The following ANKRD30B variants were observed in gnomAD, a reference collection of about 807,000 sequenced individuals.
ANKRD30B encodes ankyrin repeat domain-containing protein 30B.
Under a neutral mutation model 202.2 loss-of-function variants are expected in ANKRD30B, and 144 were observed. That is an observed-to-expected ratio of 0.71 (90% confidence interval 0.62 to 0.82). The LOEUF is 0.82. ANKRD30B is among the 40% of genes least tolerant of loss of function. The pLI is 0.00. For missense variants in ANKRD30B, 1,487 were observed against 1,669.1 expected, an observed-to-expected ratio of 0.89 and a Z score of 1.90; for synonymous variants, 508 against 561.3, an observed-to-expected ratio of 0.91 and a Z score of 1.34.
intron 32 of ANKRD30B, among the ~76,000 whole-genome samples, chr18:14,824,236 G>A (rs201589420): frequency 2.0e-5 from 3 of 152,108 alleles, no homozygotes; most frequent in Non-Finnish European, 4.4e-5. Flanking sequence ...CATAGCCACT[G>A]AAAGTCAACA....
chr18:14,810,926 C>T (rs1432825875), intron 28 of ANKRD30B, among the ~76,000 whole-genome samples: 1 of 151,154 alleles, frequency 6.6e-6, no homozygotes, highest in Admixed American at 6.6e-5. Flanking sequence ...CGAGCCTGGT[C>T]AACACAGTGA....
At chr18:14,934,699 A>G in the ANKRD30B span, among the ~76,000 whole-genome samples, 4 of 152,062 alleles carry the variant, frequency 2.6e-5, no homozygotes, top group African/African-American at 9.7e-5. Context: ...CTGAAGCCTG[A>G]ACGTTGGGAA....
the ANKRD30B span, among the ~76,000 whole-genome samples, chr18:14,896,649 C>T: frequency 6.8e-6 from 1 of 146,360 alleles, no homozygotes; most frequent in Non-Finnish European, 1.5e-5. Context: ...TTAAGATCTT[C>T]TTCCCCAATG....
In ANKRD30B at chr18:14,797,642, A is replaced by C. The variant is rs71364865; in HGVS notation, c.1928-19A>C. The C allele has an allele frequency of 6.9e-6, 11 of 1,601,998 alleles. No homozygotes were observed. The highest frequency in any genetic ancestry group is 8.6e-6 in the Non-Finnish European group (10 of 1,169,506). On this transcript the variant is annotated intron_variant, in intron 18 of 43. Coordinates refer to ENST00000690538, the MANE Select transcript of ANKRD30B (RefSeq NM_001367607.2). ...TCAGGCTTGCATATAATCAATTATA[A>C]ATGTCCCTTTTCTTTTAGAGTCTCC...
the ANKRD30B span, among the ~76,000 whole-genome samples, chr18:14,880,352 C>T: frequency 1.3e-5 from 2 of 152,098 alleles, no homozygotes; most frequent in Admixed American, 6.6e-5. Flanking sequence ...TAGCCTTGGT[C>T]TGGCTACATG....
intron 16 of ANKRD30B, among the ~76,000 whole-genome samples, chr18:14,793,709 A>T (rs551307332): frequency 3.7e-4 from 57 of 152,098 alleles, no homozygotes; most frequent in African/African-American, 1.3e-3. Flanking sequence ...CCTGGCTAAC[A>T]CGGTGAAACC....
At chr18:14,826,060 A>G in intron 32 of ANKRD30B, among the ~76,000 whole-genome samples, 1 of 152,238 alleles carries the variant, frequency 6.6e-6, no homozygotes, top group East Asian at 1.9e-4. Flanking sequence ...TAATTGGTTT[A>G]TACGTATTTC....
At chr18:14,820,107 T>G (rs1970333446) in intron 30 of ANKRD30B, among the ~76,000 whole-genome samples, 1 of 152,210 alleles carries the variant, frequency 6.6e-6, no homozygotes, top group Non-Finnish European at 1.5e-5. Flanking sequence ...CCTATTTATT[T>G]TATTCTCTTT....
At chr18:14,904,396 G>T in the ANKRD30B span, among the ~76,000 whole-genome samples, 1 of 152,294 alleles carries the variant, frequency 6.6e-6, no homozygotes, top group African/African-American at 2.4e-5. Flanking sequence ...CTTGGGGCCT[G>T]AGCTAACCTC....
chr18:14,776,357 T>C (rs1967351336), intron 9 of ANKRD30B, among the ~76,000 whole-genome samples: 1 of 152,194 alleles, frequency 6.6e-6, no homozygotes, highest in African/African-American at 2.4e-5. Flanking sequence ...CAGAGAATGT[T>C]CAGTTAGAGA....
the ANKRD30B span, among the ~76,000 whole-genome samples, chr18:14,898,998 A>C: frequency 2.6e-5 from 4 of 152,196 alleles, no homozygotes; most frequent in Non-Finnish European, 4.4e-5. Flanking sequence ...CTAAGACAGA[A>C]TATTGTTCAT....
At chr18:14,931,491 G>T in the ANKRD30B span, among the ~76,000 whole-genome samples, 16 of 152,232 alleles carry the variant, frequency 1.1e-4, no homozygotes, top group African/African-American at 3.9e-4. Flanking sequence ...CTAGGCTTTT[G>T]ACCTCACATG....
chr18:14,797,764 G>T lies in ANKRD30B; in HGVS notation c.1957-18G>T. 1.3e-6 allele frequency: 2 copies of T among 1,580,888 alleles called. No homozygotes were observed. The highest frequency in any genetic ancestry group is 1.7e-6 in the Non-Finnish European group (2 of 1,162,352). ...GTGTACATTATATATTAATTTTTGT[G>T]TTTCCGAACCCATTTAGCCTACCTG... On this transcript the variant is annotated intron_variant, in intron 19 of 43. Coordinates refer to ENST00000690538, the MANE Select transcript of ANKRD30B (RefSeq NM_001367607.2).
chr18:14,932,702 C>T, the ANKRD30B span, among the ~76,000 whole-genome samples: 1 of 152,156 alleles, frequency 6.6e-6, no homozygotes, highest in Admixed American at 6.5e-5. Context: ...TCCATTCTCC[C>T]TGTAGCCCCT....
chr18:14,931,782 T>C, the ANKRD30B span, among the ~76,000 whole-genome samples: 2 of 150,886 alleles, frequency 1.3e-5, no homozygotes, highest in Non-Finnish European at 1.5e-5. Context: ...CCTCTCTCAA[T>C]CCAGCTCCTC....
At chr18:14,777,956 A>G in intron 9 of ANKRD30B, 29 bp from the exon 10 acceptor site, 1 of 1,488,982 alleles carries the variant, frequency 6.7e-7, no homozygotes, top group Non-Finnish European at 9.1e-7. Flanking sequence ...GGAAAAAGAC[A>G]AATTATTTAT....
At chr18:14,841,751 T>G (rs74183945) in intron 37 of ANKRD30B, among the ~76,000 whole-genome samples, 27,101 of 152,020 alleles carry the variant, frequency 0.18, 2,638 homozygotes, top group East Asian at 0.27. Flanking sequence ...GAAATTTGAG[T>G]GAATTCACTT....
chr18:14,766,736 C>G (rs1373944307), intron 7 of ANKRD30B, among the ~76,000 whole-genome samples: 1 of 151,936 alleles, frequency 6.6e-6, no homozygotes, highest in East Asian at 1.9e-4. Flanking sequence ...ATGAGCTTAT[C>G]CATGATGCAG....
chr18:14,819,485 T>A (rs531981940), intron 30 of ANKRD30B, among the ~76,000 whole-genome samples: 2 of 151,944 alleles, frequency 1.3e-5, no homozygotes, highest in Non-Finnish European at 2.9e-5. Flanking sequence ...CTAGGGTTTT[T>A]ATGGTTTTAG....
Sources: gnomAD v4.1 joint callset for allele counts (sites outside exome capture counted in the v4.1 genomes callset) on GRCh38, gnomAD v4.1.1 for gene constraint, MANE v1.5 for transcripts, NCBI Gene and HGNC (gene_info 2026-07-23, HGNC 2026-07-21) for gene names.